Variants in CHODL observed in about 807,000 individuals in gnomAD.
The protein encoded by CHODL is transmembrane protein MT75.
Under a neutral mutation model 34.5 loss-of-function variants are expected in CHODL, and 29 were observed. The observed-to-expected ratio is 0.84, with a 90% CI of 0.63 to 1.15. The LOEUF (loss-of-function observed/expected upper bound fraction) is 1.15. CHODL is among the 50% of genes most tolerant of loss of function. The probability of loss-of-function intolerance (pLI) is 0.00; values close to 1 mark genes in which losing one functional copy is unlikely to be tolerated. For synonymous variants in CHODL, 125 were observed against 116.1 expected, an observed-to-expected ratio of 1.08 and a Z score of -0.49; for missense variants, 332 against 332.5, an observed-to-expected ratio of 1.00 and a Z score of 0.01.
intron 1 of CHODL, among the ~76,000 whole-genome samples, chr21:17,960,055 G>T (rs1289695025): frequency 6.6e-6 from 1 of 152,126 alleles, no homozygotes; most frequent in Non-Finnish European, 1.5e-5. Context: ...CCTGTCTTGT[G>T]TTGGATGACG....
chr21:18,069,960 C>T (rs209272), intron 2 of CHODL, among the ~76,000 whole-genome samples: 61,447 of 141,976 alleles, frequency 0.43, 14,627 homozygotes, highest in East Asian at 0.95. Flanking sequence ...CCTCCCTTCC[C>T]TTCCTTTTCT....
intron 2 of CHODL, among the ~76,000 whole-genome samples, chr21:18,158,838 T>TAAAAAAAAAAAAAAAAAAAAAAAAAAA (rs11423104): frequency 8.2e-6 from 1 of 121,246 alleles, no homozygotes; most frequent in Non-Finnish European, 1.6e-5. Flanking sequence ...AACTCCGTCT[T>TAAAAAAAAAAAAAAAAAAAAAAAAAAA]AAAAAAAAAA....
At chr21:18,062,689 C>A (rs2064682820) in intron 2 of CHODL, among the ~76,000 whole-genome samples, 2 of 152,060 alleles carry the variant, frequency 1.3e-5, no homozygotes, top group Non-Finnish European at 2.9e-5. Flanking sequence ...TTGCTTGAAC[C>A]CAGGAGACGG....
chr21:17,997,599 A>G (rs1394642405), intron 1 of CHODL, among the ~76,000 whole-genome samples: 3 of 152,208 alleles, frequency 2.0e-5, no homozygotes, highest in Non-Finnish European at 2.9e-5. Context: ...TTGAACTTAC[A>G]GCTCTACATG....
rs2073268927 is a variant in CHODL at position 18,174,133 on chromosome 21, A to ATATATATATATATATCTTGG, written c.-44-82361_-44-82360insCTTGGTATATATATATATAT. Among the ~76,000 whole-genome samples, 32 of 17,830 alleles carry ATATATATATATATATCTTGG rather than the reference A, an allele frequency of 1.8e-3. 7 individuals carry two copies. The highest frequency in any genetic ancestry group is 0.012 in the South Asian group (6 of 490). The allele number at this position is 17,830 out of a possible 152,430, so 11.7% of individuals were successfully genotyped here. A position where few individuals can be genotyped will look rare whatever the true frequency, so the allele number is the denominator to read the frequency against. ...TATATATATCTTGGTGTATATATAT[A>ATATATATATATATATCTTGG]TATATATATATATATATATATATAT... is the stretch of plus-strand genomic sequence containing the variant. On this transcript the variant is annotated intron_variant, in intron 2 of 6. Coordinates refer to the CHODL transcript ENST00000400127.
intron 2 of CHODL, among the ~76,000 whole-genome samples, chr21:18,191,464 T>G (rs2146692148): frequency 6.6e-6 from 1 of 152,334 alleles, no homozygotes; most frequent in South Asian, 2.1e-4. Context: ...AGCAAGAATC[T>G]TGCACTTAAA....
intron 1 of CHODL, among the ~76,000 whole-genome samples, chr21:17,928,204 T>C (rs868536131): frequency 4.6e-5 from 7 of 152,356 alleles, no homozygotes; most frequent in Middle Eastern, 3.4e-3. Flanking sequence ...TGTTTTGACA[T>C]TTACTGCACA....
At chr21:18,011,588 C>T (rs1398083913) in intron 1 of CHODL, among the ~76,000 whole-genome samples, 2 of 152,146 alleles carry the variant, frequency 1.3e-5, no homozygotes, top group East Asian at 1.9e-4. Context: ...AAGTTCACTA[C>T]AGCTCTTGCT....
chr21:18,096,807 C>A (rs551311096), intron 2 of CHODL, among the ~76,000 whole-genome samples: 1 of 152,058 alleles, frequency 6.6e-6, no homozygotes, highest in South Asian at 2.1e-4. Flanking sequence ...ATCTCTGTGA[C>A]CCACTCTCTA....
chr21:18,071,052 A>C (rs1277591421), intron 2 of CHODL, among the ~76,000 whole-genome samples: 1 of 151,252 alleles, frequency 6.6e-6, no homozygotes, highest in Non-Finnish European at 1.5e-5. Context: ...TCTTGAATAT[A>C]TATATTTTTT....
intron 2 of CHODL, among the ~76,000 whole-genome samples, chr21:18,178,061 G>A (rs917267995): frequency 5.3e-5 from 8 of 152,114 alleles, no homozygotes; most frequent in Non-Finnish European, 8.8e-5. Flanking sequence ...TTAGGCATCA[G>A]TCTCATGGTT....
intron 1 of CHODL, among the ~76,000 whole-genome samples, chr21:17,929,571 T>A (rs1367848091): frequency 1.3e-5 from 2 of 152,230 alleles, no homozygotes; most frequent in Non-Finnish European, 2.9e-5. Flanking sequence ...GGGATTGGTA[T>A]GGAGCCAGGA....
chr21:17,973,417 C>CTTTTTTTTT (rs3077803), intron 1 of CHODL, among the ~76,000 whole-genome samples: 1 of 123,494 alleles, frequency 8.1e-6, no homozygotes, highest in Non-Finnish European at 1.6e-5. Flanking sequence ...TTCTTTCTTT[C>CTTTTTTTTT]TTTTTTTTTT....
At chr21:18,127,020 C>T (rs2065554349) in intron 2 of CHODL, among the ~76,000 whole-genome samples, 1 of 152,182 alleles carries the variant, frequency 6.6e-6, no homozygotes, top group African/African-American at 2.4e-5. Context: ...ATACCATAAA[C>T]ATGTTATCCT....
chr21:17,917,900 T>TGTGTGG (rs1164331473), intron 1 of CHODL, among the ~76,000 whole-genome samples: 3 of 152,146 alleles, frequency 2.0e-5, no homozygotes, highest in Non-Finnish European at 4.4e-5. Flanking sequence ...TATGTGTGTG[T>TGTGTGG]GTGTGTAGTT....
intron 2 of CHODL, among the ~76,000 whole-genome samples, chr21:18,165,401 T>G (rs2146649604): frequency 6.6e-6 from 1 of 152,388 alleles, no homozygotes; most frequent in East Asian, 1.9e-4. Flanking sequence ...ATGTTTTTCC[T>G]TTGACATTTA....
chr21:18,110,722 A>C (rs2146561218), intron 2 of CHODL, among the ~76,000 whole-genome samples: 1 of 152,348 alleles, frequency 6.6e-6, no homozygotes, highest in Non-Finnish European at 1.5e-5. Context: ...GGAAAAACTT[A>C]AAATTTCCCA....
At chr21:18,254,007 C>T (rs1451276061) in intron 1 of CHODL, among the ~76,000 whole-genome samples, 4 of 152,076 alleles carry the variant, frequency 2.6e-5, no homozygotes, top group Admixed American at 2.6e-4. Flanking sequence ...AATGACCTTC[C>T]ACTGATTTCT....
rs775943076 is a variant in CHODL at position 17,944,071 on chromosome 21, C to T, written c.-145+26671C>T. Among the ~76,000 whole-genome samples the T allele has an allele frequency of 7.5e-5, 11 of 147,604 alleles. 1 individual carries two copies. The highest frequency in any genetic ancestry group is 6.9e-4 in the Admixed American group (10 of 14,532). On this transcript the variant is annotated intron_variant, in intron 1 of 6. Transcript: ENST00000400127. ...AAGGATGATGGAAATCATAATCTAG[C>T]GTGAGCCACTAGACTGTTATTCTTC...
Sources: allele counts gnomAD v4.1 joint callset (sites outside exome capture counted in the v4.1 genomes callset), GRCh38; gene constraint gnomAD v4.1.1; transcripts MANE v1.5; gene names NCBI Gene and HGNC (gene_info 2026-07-23, HGNC 2026-07-21).